The following COTL1 variants were observed in gnomAD, a reference collection of about 807,000 sequenced individuals.
The protein encoded by COTL1 is coactosin-like protein.
Under a neutral mutation model 16.5 loss-of-function variants are expected in COTL1, and 15 were observed. That is an observed-to-expected ratio of 0.91 (90% CI 0.61 to 1.40). The LOEUF is 1.40. Among genes scored for constraint, COTL1 ranks in the 40% most tolerant of loss-of-function variants. The pLI, the probability that COTL1 is intolerant of heterozygous loss-of-function variation, is 0.00. For missense variants in COTL1, 220 were observed against 201.5 expected (o/e 1.09, Z -0.56); for synonymous variants, 112 against 85.3 (o/e 1.31, Z -1.73).
rs753341912 is a variant in COTL1 at position 84,590,110 on chromosome 16, C to G, written c.313G>C (p.Val105Leu). 2 of 1,613,246 alleles carry G rather than the reference C, an allele frequency of 1.2e-6. No homozygotes were observed. The highest frequency in any genetic ancestry group is 1.7e-6 in the Non-Finnish European group (2 of 1,179,362). ...ACTCTGGAGGAACTCAGTACCTGTACGACCTCCTTCACCAGGGTCTTGTCC... is the reference window on the plus strand; with the variant it reads ...ACTCTGGAGGAACTCAGTACCTGTAGGACCTCCTTCACCAGGGTCTTGTCC... ...GTDKTLVKEVVQNFAKEFVIS... is the reference protein window; with the variant it reads ...GTDKTLVKEVLQNFAKEFVIS... Residue 105 changes from valine (V) to leucine (L), a missense_variant, in exon 3 of 4, where the codon GTA (valine) becomes CTA (leucine). By Grantham distance (32) the Val-to-Leu change is conservative (BLOSUM62 1). Coordinates refer to ENST00000262428, the MANE Select transcript of COTL1 (RefSeq NM_021149.5). This position sits in a 1 kb window ranked among gnomAD's most constrained non-coding sequence, Gnocchi z 5.5.
intron 2 of COTL1, among the ~76,000 whole-genome samples, chr16:84,607,345 G>A (rs1044028791): frequency 2.0e-5 from 3 of 152,120 alleles, no homozygotes; most frequent in Non-Finnish European, 1.5e-5. Context: ...AGGCCAGCGC[G>A]GCACAGGGGA....
Position 84,592,745 on chromosome 16 carries a change from C to T in COTL1, c.161-2483G>A, listed in dbSNP as rs11866958. ...GAGATACTGGCCTGCAGCTGACAAG[C>T]TCACTTCCTGGTGATTATCTCAAAA... On this transcript the variant is annotated intron_variant, in intron 2 of 3. Coordinates refer to ENST00000262428, the MANE Select transcript of COTL1 (RefSeq NM_021149.5). Among the ~76,000 whole-genome samples, 833 of 152,320 alleles carry T rather than the reference C, an allele frequency of 5.5e-3. 10 individuals carry two copies. The highest frequency in any genetic ancestry group is 0.019 in the African/African-American group (786 of 41,580).
At chr16:84,573,374 GC>G (rs1454471657) in intron 3 of COTL1, among the ~76,000 whole-genome samples, 5 of 152,338 alleles carry the variant, frequency 3.3e-5, no homozygotes, top group African/African-American at 9.6e-5. Context: ...ATGTGATCAG[GC>G]AAACAGAATC....
chr16:84,593,624 G>A (rs1904925775), intron 2 of COTL1, among the ~76,000 whole-genome samples: 2 of 151,574 alleles, frequency 1.3e-5, no homozygotes, highest in South Asian at 2.1e-4. Flanking sequence ...CCATTCTCCT[G>A]CCTCAGCCCC....
At chr16:84,617,738 G>C (rs901126884) in intron 1 of COTL1, 100 bp downstream of exon 1, 14 of 1,391,784 alleles carry the variant, frequency 1.0e-5, no homozygotes, top group Non-Finnish European at 1.4e-5. Flanking sequence ...GGAAGACAGC[G>C]CGGGAGGCCC....
intron 2 of COTL1, among the ~76,000 whole-genome samples, chr16:84,594,137 A>G (rs1904939700): frequency 1.3e-5 from 2 of 150,082 alleles, no homozygotes; most frequent in East Asian, 1.9e-4. Context: ...ACAGCACTCC[A>G]TTGCATGGAG....
At chr16:84,609,509 G>T (rs1389109918) in intron 2 of COTL1, among the ~76,000 whole-genome samples, 1 of 152,196 alleles carries the variant, frequency 6.6e-6, no homozygotes, top group Non-Finnish European at 1.5e-5. Flanking sequence ...TGGTTAGTCG[G>T]ACTCTCCTGA....
At chr16:84,613,292 G>A (rs1224693777) in intron 2 of COTL1, among the ~76,000 whole-genome samples, 1 of 152,138 alleles carries the variant, frequency 6.6e-6, no homozygotes, top group Non-Finnish European at 1.5e-5. Context: ...GAGCCACGGC[G>A]CCCGGACTAG....
At chr16:84,569,436 C>T (rs1255595541) in intron 3 of COTL1, among the ~76,000 whole-genome samples, 6 of 152,012 alleles carry the variant, frequency 3.9e-5, no homozygotes, top group Non-Finnish European at 8.8e-5. Flanking sequence ...CCAGGAGCAT[C>T]CCGAAGTCAA....
intron 3 of COTL1, chr16:84,576,402 C>T (rs907409951): frequency 2.0e-5 from 3 of 152,178 alleles, no homozygotes; most frequent in African/African-American, 7.2e-5. Flanking sequence ...AACTGATCTT[C>T]ATTGTATTGA....
intron 2 of COTL1, among the ~76,000 whole-genome samples, chr16:84,597,517 A>G (rs1905029799): frequency 6.6e-6 from 1 of 152,118 alleles, no homozygotes; most frequent in African/African-American, 2.4e-5. Context: ...CTCAGGCTCC[A>G]CTCAGCCCTA....
Position 84,575,086 on chromosome 16 carries a change from G to A in COTL1, c.319-8131C>T, listed in dbSNP as rs768310720. Among the ~76,000 whole-genome samples the A allele has an allele frequency of 6.2e-4, 95 of 152,120 alleles. 2 individuals carry two copies. The highest frequency in any genetic ancestry group is 2.8e-4 in the Non-Finnish European group (19 of 67,972). The stretch of plus-strand genomic sequence containing the variant: ...AGTTTTTGTTCTTGTCACCTAGGCT[G>A]GAGTGCAGTGGTGCAATCTCAGTTC... On this transcript the variant is annotated intron_variant, in intron 3 of 3. Transcript: ENST00000262428.
At chr16:84,573,800 G>T (rs1044220728) in intron 3 of COTL1, among the ~76,000 whole-genome samples, 8 of 148,718 alleles carry the variant, frequency 5.4e-5, no homozygotes, top group Non-Finnish European at 1.0e-4. Flanking sequence ...CACACTCAAC[G>T]AGTAGTATTC....
intron 2 of COTL1, among the ~76,000 whole-genome samples, chr16:84,591,874 A>AAATAT (rs1904877639): frequency 1.0e-5 from 1 of 96,830 alleles, no homozygotes; most frequent in Admixed American, 1.1e-4. Context: ...AAATAAAATA[A>AAATAT]AATAAAAATA....
intron 2 of COTL1, among the ~76,000 whole-genome samples, chr16:84,599,424 A>G (rs74036338): frequency 0.065 from 9,874 of 152,304 alleles, 497 homozygotes; most frequent in African/African-American, 0.12. Flanking sequence ...AGCAAAATGA[A>G]GAAATTAAGG....
chr16:84,581,796 C>T (rs565308320), intron 3 of COTL1, among the ~76,000 whole-genome samples: 14 of 151,926 alleles, frequency 9.2e-5, no homozygotes, highest in Non-Finnish European at 1.6e-4. Context: ...TGAGCCACTG[C>T]GCTCAGCCTC....
rs1474712867 is a variant in COTL1 at position 84,617,873 on chromosome 16, G to A, written c.42C>T (p.Tyr14=). The part of the protein sequence containing the change: ...KIDKEACRAA[Y]NLVRDDGSAV... ...CCGAGCCGTCGTCGCGCACCAGGTT[G>A]TACGCCGCCCGGCAAGCCTCTTTGT... is the stretch of plus-strand genomic sequence containing the variant. The change falls in exon 1 of 4, where the codon TAC becomes TAT. Residue 14 remains tyrosine (Y), a synonymous_variant. Coordinates refer to ENST00000262428, the MANE Select transcript of COTL1 (RefSeq NM_021149.5). The A allele has an allele frequency of 3.2e-6, 5 of 1,575,242 alleles. No individual in the cohort carries two copies. Among genetic ancestry groups the A allele is most frequent in the South Asian group, 2.3e-5 (2 of 86,328 alleles).
intron 2 of COTL1, among the ~76,000 whole-genome samples, chr16:84,591,078 A>T (rs1446275490): frequency 6.6e-6 from 1 of 151,900 alleles, no homozygotes; most frequent in African/African-American, 2.4e-5. Context: ...TCAATGCCAC[A>T]CTGTTTTTAT....
At chr16:84,586,847 C>T (rs1380643492) in intron 3 of COTL1, among the ~76,000 whole-genome samples, 1 of 152,116 alleles carries the variant, frequency 6.6e-6, no homozygotes, top group East Asian at 1.9e-4. Context: ...GCCTTGGTCT[C>T]CCAAGGTGCT....
Sources: gnomAD v4.1 joint callset for allele counts (sites outside exome capture counted in the v4.1 genomes callset) on GRCh38, gnomAD v4.1.1 for gene constraint, Gnocchi (gnomAD v3.1) non-coding constraint, MANE v1.5 for transcripts, NCBI Gene and HGNC (gene_info 2026-07-23, HGNC 2026-07-21) for gene names.